ROS1: variants seen among roughly 807,000 people sequenced by gnomAD.
ROS1 encodes the protein ROS proto-oncogene 1, receptor tyrosine kinase, also known as proto-oncogene tyrosine-protein kinase ROS.
In ROS1, 263 loss-of-function variants were observed where a neutral mutation model predicts 273.5. The ratio of observed to expected loss-of-function variants is 0.96; its 90% CI spans 0.87 to 1.06. The LOEUF (loss-of-function observed/expected upper bound fraction) is 1.06, where lower values mean the gene tolerates loss of function less well. Among genes scored for constraint, ROS1 ranks in the 50% least tolerant of loss-of-function variants. The pLI is 0.00. For synonymous variants in ROS1, 1,008 were observed against 954.1 expected, an observed-to-expected ratio of 1.06 and a Z score of -1.04; for missense variants, 2,833 against 2,751.1, an observed-to-expected ratio of 1.03 and a Z score of -0.67.
intron 27 of ROS1, among the ~76,000 whole-genome samples, chr6:117,349,402 C>T (rs1002011780): frequency 8.6e-5 from 13 of 151,844 alleles, no homozygotes; most frequent in Non-Finnish European, 1.5e-4. Flanking sequence ...ATTTGATTAG[C>T]GATAGCATGA....
chr6:117,318,570 C>G (rs1440691030), intron 37 of ROS1, among the ~76,000 whole-genome samples: 2 of 152,104 alleles, frequency 1.3e-5, no homozygotes, highest in Non-Finnish European at 2.9e-5. Context: ...TATGTTTTCT[C>G]CATCTCCTTG....
At chr6:117,329,968 A>T (rs190183484) in intron 32 of ROS1, among the ~76,000 whole-genome samples, 271 of 151,658 alleles carry the variant, frequency 1.8e-3, no homozygotes, top group African/African-American at 5.8e-3. Flanking sequence ...GGGAGGGGTG[A>T]CCAGCACAGG....
intron 34 of ROS1, among the ~76,000 whole-genome samples, chr6:117,324,855 G>T (rs1482105020): frequency 6.6e-6 from 1 of 152,076 alleles, no homozygotes; most frequent in Non-Finnish European, 1.5e-5. Flanking sequence ...TTGTGTAGAG[G>T]AAACAAACAC....
At chr6:117,349,435 T>C (rs1778630145) in intron 27 of ROS1, among the ~76,000 whole-genome samples, 1 of 152,040 alleles carries the variant, frequency 6.6e-6, no homozygotes, top group Non-Finnish European at 1.5e-5. Flanking sequence ...ATCCCTTTAC[T>C]TTTGATCTAT....
rs1441365192 is a variant in ROS1, at chr6:117,319,967, CAG to C, written c.5821_5822del (p.Leu1941AlafsTer14). The C allele has an allele frequency of 6.2e-7, 1 of 1,613,500 alleles. No individual in the cohort carries two copies. Among genetic ancestry groups the C allele is most frequent in the African/African-American group, 1.3e-5 (1 of 74,994 alleles). On this transcript the variant is annotated frameshift_variant, in exon 37 of 44. Coordinates refer to ENST00000368507, the MANE Select transcript of ROS1 (RefSeq NM_001378902.1). LOFTEE classifies it high-confidence loss of function. ...LPAFPREKLT[L>X]RLLLGSGAFG... ...AGGCTCCACTTCCCAGCAAGAGACGCAGAGTCAGTTTTTCCCGAGGGAAGGCA... is the reference window on the plus strand; with the variant it reads ...AGGCTCCACTTCCCAGCAAGAGACGCAGTCAGTTTTTCCCGAGGGAAGGCA...
intron 39 of ROS1, among the ~76,000 whole-genome samples, chr6:117,313,781 G>A (rs549629975): frequency 6.6e-6 from 1 of 152,292 alleles, no homozygotes; most frequent in African/African-American, 2.4e-5. Context: ...CTGAGATAGT[G>A]CCTCTGAGCA....
In ROS1 at chr6:117,356,883, C is replaced by T. The variant is rs762938706; in HGVS notation, c.3872G>A (p.Gly1291Asp). The change falls in exon 26 of 44, where the codon GGC (glycine) becomes GAC (aspartate). Residue 1291 changes from glycine (G) to aspartate (D), a missense_variant. Coordinates refer to ENST00000368507, the MANE Select transcript of ROS1 (RefSeq NM_001378902.1). ...AATACTGTAGTAGAACATCTGGTAG[C>T]CAAAATTGGAAACTTCTGTCCAATA... is the stretch of plus-strand genomic sequence containing the variant. The part of the protein sequence containing the change: ...RLYWTEVSNF[G>D]YQMFYYSIIS... The T allele has an allele frequency of 1.2e-6, 2 of 1,613,756 alleles. No homozygotes were observed. The highest frequency in any genetic ancestry group is 4.5e-5 in the East Asian group (2 of 44,880).
chr6:117,321,094 A>G, intron 36 of ROS1, 165 bp downstream of exon 36: 1 of 653,396 alleles, frequency 1.5e-6, no homozygotes, highest in Non-Finnish European at 2.4e-6. Flanking sequence ...TTTTCCATCC[A>G]TCCCAGGTCA....
chr6:117,394,161 C>A lies in ROS1; in HGVS notation c.1191+1G>T. 6.4e-7 allele frequency: 1 copy of A among 1,571,880 alleles called. No individual in the cohort carries two copies. The highest frequency in any genetic ancestry group is 8.6e-7 in the Non-Finnish European group (1 of 1,157,988). On this transcript the variant is annotated splice_donor_variant, in intron 11 of 43. Coordinates refer to ENST00000368507, the MANE Select transcript of ROS1 (RefSeq NM_001378902.1). LOFTEE classifies it high-confidence loss of function. The stretch of plus-strand genomic sequence containing the variant: ...ATTCCTCTTTAACTTCTCGGACTAA[C>A]CAGTTCATCCATGATGAAATACATT...
intron 42 of ROS1, among the ~76,000 whole-genome samples, chr6:117,303,385 T>A (rs1038411790): frequency 2.0e-5 from 3 of 152,186 alleles, no homozygotes; most frequent in African/African-American, 7.2e-5. Context: ...AAGGCCCCTC[T>A]CCAGAGGTGA....
chr6:117,420,815 G>C (rs963217165), intron 1 of ROS1, among the ~76,000 whole-genome samples: 9 of 152,044 alleles, frequency 5.9e-5, no homozygotes, highest in African/African-American at 2.2e-4. Context: ...CAGGCACTTA[G>C]AAATGTATTA....
At chr6:117,383,133 T>C (rs1772285438) in intron 17 of ROS1, among the ~76,000 whole-genome samples, 184 bp downstream of exon 17, 2 of 152,050 alleles carry the variant, frequency 1.3e-5, no homozygotes, top group African/African-American at 4.8e-5. Context: ...AGGCTTTCAA[T>C]TGTGACCATC....
intron 2 of ROS1, among the ~76,000 whole-genome samples, chr6:117,416,857 T>C (rs1311462078): frequency 2.0e-5 from 3 of 152,094 alleles, no homozygotes; most frequent in Non-Finnish European, 2.9e-5. Flanking sequence ...ATTTGATATA[T>C]TTCTTCTTAC....
intron 43 of ROS1, among the ~76,000 whole-genome samples, chr6:117,293,405 A>G (rs1212272095): frequency 6.6e-6 from 1 of 152,226 alleles, no homozygotes; most frequent in East Asian, 1.9e-4. Context: ...TCCAGATAGT[A>G]TATATACAAA....
chr6:117,411,980 A>G (rs1429435740), intron 4 of ROS1, among the ~76,000 whole-genome samples: 2 of 152,224 alleles, frequency 1.3e-5, no homozygotes, highest in Non-Finnish European at 2.9e-5. Context: ...TATTAGGGTG[A>G]TCCAAGCCAA....
intron 18 of ROS1, among the ~76,000 whole-genome samples, chr6:117,369,646 A>T (rs149322494): frequency 2.2e-3 from 337 of 152,206 alleles, no homozygotes; most frequent in African/African-American, 7.6e-3. Context: ...ATCCTTCAGG[A>T]CACTGTTGCT....
chr6:117,295,284 T>C (rs1257729065), intron 43 of ROS1, among the ~76,000 whole-genome samples: 1 of 152,156 alleles, frequency 6.6e-6, no homozygotes, highest in Non-Finnish European at 1.5e-5. Flanking sequence ...TGGATATCCA[T>C]ATGTAGAAGA....
At chr6:117,333,154 T>G (rs1777215720) in intron 32 of ROS1, among the ~76,000 whole-genome samples, 1 of 150,478 alleles carries the variant, frequency 6.6e-6, no homozygotes, top group African/African-American at 2.4e-5. Flanking sequence ...ACAAAAAAAA[T>G]GATAAAGGGG....
chr6:117,394,755 A>G lies in ROS1; in HGVS notation c.884-17T>C, dbSNP rs775225506. On this transcript the variant is annotated splice_polypyrimidine_tract_variant and intron_variant, in intron 9 of 43. Coordinates refer to ENST00000368507, the MANE Select transcript of ROS1 (RefSeq NM_001378902.1). The stretch of plus-strand genomic sequence containing the variant: ...CTTGTTGAACTGAAAAAAACAACAC[A>G]ATTTGCAGACAGGTAGACCAACCAC... 1.2e-6 allele frequency: 2 copies of G among 1,602,534 alleles called. No homozygotes were observed. Among genetic ancestry groups the G allele is most frequent in the Admixed American group, 3.4e-5 (2 of 58,584 alleles).
Sources: allele counts gnomAD v4.1 joint callset (sites outside exome capture counted in the v4.1 genomes callset), GRCh38; gene constraint gnomAD v4.1.1; transcripts MANE v1.5; gene names NCBI Gene and HGNC (gene_info 2026-07-23, HGNC 2026-07-21).